The following FBXL17 variants were observed in gnomAD, a reference collection of about 807,000 sequenced individuals.
The protein encoded by FBXL17 is F-box and leucine rich repeat protein 17.
Under a neutral mutation model 66.2 loss-of-function variants are expected in FBXL17, and 22 were observed. The observed-to-expected ratio is 0.33, with a 90% confidence interval of 0.24 to 0.47. FBXL17 has a LOEUF of 0.47. FBXL17 is among the 20% of genes least tolerant of loss of function. The pLI is 1.00. For missense variants in FBXL17, 878 were observed against 948.2 expected, an observed-to-expected ratio of 0.93 and a Z score of 0.97; for synonymous variants, 474 against 400.5, an observed-to-expected ratio of 1.18 and a Z score of -2.19.
intron 7 of FBXL17, among the ~76,000 whole-genome samples, chr5:107,921,503 G>T (rs1041440834): frequency 6.6e-6 from 1 of 152,208 alleles, no homozygotes; most frequent in Admixed American, 6.5e-5. Context: ...GCAAAGCACA[G>T]GGCATAGATG....
chr5:107,914,442 G>A (rs529878071), intron 7 of FBXL17, among the ~76,000 whole-genome samples: 1 of 152,096 alleles, frequency 6.6e-6, no homozygotes, highest in African/African-American at 2.4e-5. Context: ...AGATCCACAG[G>A]TGCAAGGAAT....
chr5:107,957,179 T>C (rs1751695301), intron 7 of FBXL17, among the ~76,000 whole-genome samples: 2 of 152,128 alleles, frequency 1.3e-5, no homozygotes, highest in Non-Finnish European at 2.9e-5. Flanking sequence ...ATACCAGAAG[T>C]ATATAGCTGA....
chr5:107,961,764 T>C (rs1227323707), intron 7 of FBXL17, among the ~76,000 whole-genome samples: 2 of 152,192 alleles, frequency 1.3e-5, no homozygotes, highest in Non-Finnish European at 2.9e-5. Flanking sequence ...TGCATTTCAA[T>C]GTGAGACAGC....
intron 7 of FBXL17, among the ~76,000 whole-genome samples, chr5:108,002,182 A>ATTTTTTTT (rs765399250): frequency 0.033 from 3,575 of 109,298 alleles, 478 homozygotes; most frequent in African/African-American, 0.15. Context: ...CACCCAGCTA[A>ATTTTTTTT]TTTTTTTTTT....
intron 5 of FBXL17, among the ~76,000 whole-genome samples, chr5:108,210,661 C>G (rs1056177597): frequency 1.2e-4 from 19 of 152,292 alleles, no homozygotes; most frequent in Non-Finnish European, 2.6e-4. Context: ...TTTGATTGCA[C>G]TGTGGTGTGA....
intron 4 of FBXL17, among the ~76,000 whole-genome samples, chr5:108,238,810 T>C (rs1755722821): frequency 6.6e-6 from 1 of 152,168 alleles, no homozygotes; most frequent in Non-Finnish European, 1.5e-5. Context: ...TGCACCCAGC[T>C]GAACTGTTAC....
intron 7 of FBXL17, among the ~76,000 whole-genome samples, chr5:107,940,247 ATTC>A (rs1751047431): frequency 1.9e-5 from 1 of 52,596 alleles, no homozygotes; most frequent in East Asian, 1.2e-3. Context: ...AATTTTATTC[ATTC>A]ATTCATTCAT....
intron 6 of FBXL17, among the ~76,000 whole-genome samples, chr5:108,021,953 T>A (rs1318293576): frequency 6.6e-6 from 1 of 151,882 alleles, no homozygotes; most frequent in Non-Finnish European, 1.5e-5. Flanking sequence ...TATCAAAAAA[T>A]TACTCAGTAT....
chr5:108,339,106 T>C (rs1239657526), intron 4 of FBXL17, among the ~76,000 whole-genome samples: 3 of 152,150 alleles, frequency 2.0e-5, no homozygotes, highest in African/African-American at 7.2e-5. Context: ...GTAAACTATA[T>C]TTAGAAAGGC....
intron 6 of FBXL17, among the ~76,000 whole-genome samples, chr5:108,137,768 T>A (rs931654173): frequency 1.3e-5 from 2 of 152,186 alleles, no homozygotes; most frequent in African/African-American, 4.8e-5. Context: ...ACACATTTAT[T>A]TCATACAATG....
At chr5:108,323,206 C>T (rs1232021118) in intron 4 of FBXL17, among the ~76,000 whole-genome samples, 2 of 151,468 alleles carry the variant, frequency 1.3e-5, no homozygotes, top group Non-Finnish European at 3.0e-5. Context: ...ATAGAAGACC[C>T]TAAAGGTTCC....
At chr5:107,872,695 G>C (rs904225928) in intron 8 of FBXL17, among the ~76,000 whole-genome samples, 1 of 152,176 alleles carries the variant, frequency 6.6e-6, no homozygotes, top group Non-Finnish European at 1.5e-5. Context: ...AAGAGACGAA[G>C]GTAGGAAGGG....
intron 7 of FBXL17, among the ~76,000 whole-genome samples, chr5:107,941,618 G>A (rs1204367105): frequency 5.9e-5 from 9 of 152,178 alleles, no homozygotes; most frequent in Non-Finnish European, 1.2e-4. Context: ...TGCTTCCCCA[G>A]AGAGTTTTAG....
chr5:108,120,845 T>G (rs1260584773), intron 6 of FBXL17, among the ~76,000 whole-genome samples: 1 of 152,128 alleles, frequency 6.6e-6, no homozygotes, highest in Non-Finnish European at 1.5e-5. Context: ...CCTTAGTGCC[T>G]AGAATAGTGC....
chr5:107,878,502 A>G (rs979582241), intron 8 of FBXL17: 1 of 736,876 alleles, frequency 1.4e-6, no homozygotes, highest in Non-Finnish European at 1.7e-6. Context: ...CTGAGAGGTT[A>G]GTAACTGCCC....
intron 6 of FBXL17, among the ~76,000 whole-genome samples, chr5:108,107,483 T>C (rs1314932138): frequency 6.6e-6 from 1 of 152,190 alleles, no homozygotes; most frequent in African/African-American, 2.4e-5. Context: ...TCACTTTCCT[T>C]TGAGGCTTGA....
intron 6 of FBXL17, among the ~76,000 whole-genome samples, chr5:108,083,545 G>A (rs987940858): frequency 6.8e-4 from 102 of 150,808 alleles, no homozygotes; most frequent in African/African-American, 2.5e-3. Flanking sequence ...GGACACAGGT[G>A]CATCCCACCA....
intron 6 of FBXL17, among the ~76,000 whole-genome samples, chr5:108,179,814 C>T (rs1236298975): frequency 2.0e-5 from 3 of 152,084 alleles, no homozygotes; most frequent in Non-Finnish European, 4.4e-5. Context: ...GACTAATGAA[C>T]TATTATTTTT....
intron 7 of FBXL17, among the ~76,000 whole-genome samples, chr5:107,994,922 A>C (rs1205382783): frequency 1.3e-5 from 2 of 152,204 alleles, no homozygotes; most frequent in Non-Finnish European, 2.9e-5. Flanking sequence ...TCTAAGTATA[A>C]GATAAGTTAA....
Sources: gnomAD v4.1 joint callset for allele counts (sites outside exome capture counted in the v4.1 genomes callset) on GRCh38, gnomAD v4.1.1 for gene constraint, MANE v1.5 for transcripts, NCBI Gene and HGNC (gene_info 2026-07-23, HGNC 2026-07-21) for gene names.